The following GABRA2 variants were observed in gnomAD, a reference collection of about 807,000 sequenced individuals.
The protein encoded by GABRA2 is gamma-aminobutyric acid receptor subunit alpha-2.
Under a neutral mutation model 48.7 loss-of-function variants are expected in GABRA2, and 16 were observed. That is an observed-to-expected ratio of 0.33 (90% CI 0.22 to 0.50). The LOEUF (loss-of-function observed/expected upper bound fraction) is 0.50. GABRA2 is among the 20% of genes least tolerant of loss of function. The probability of loss-of-function intolerance (pLI) is 0.98; values close to 1 mark genes in which losing one functional copy is unlikely to be tolerated. For missense variants in GABRA2, 275 were observed against 535.6 expected, an observed-to-expected ratio of 0.51 and a Z score of 4.80; for synonymous variants, 185 against 184.5, an observed-to-expected ratio of 1.00 and a Z score of -0.02.
rs1195305005 is a variant in GABRA2, at chr4:46,389,990, CGGAGGAGGAGGAAGA to C, written c.-281_-267del. On this transcript the variant is annotated 5_prime_UTR_variant, in exon 1 of 10. Transcript: ENST00000381620. Reference sequence around the variant, plus strand: ...AGGCGTTCGTAGTGGCGGTGATGGGCGGAGGAGGAGGAAGAGGAGGAGGAGGAAGAGGAGGAGGGG... The same window carrying C: ...AGGCGTTCGTAGTGGCGGTGATGGGCGGAGGAGGAGGAAGAGGAGGAGGGG... 2.0e-3 allele frequency: 1,942 copies of C among 967,504 alleles called. 7 individuals carry two copies. Among genetic ancestry groups the C allele is most frequent in the African/African-American group, 6.3e-3 (319 of 50,912 alleles). 59.9% of individuals were successfully genotyped at this position (967,504 alleles called of 1,614,324 possible).
intron 8 of GABRA2, among the ~76,000 whole-genome samples, chr4:46,277,771 G>A (rs1176414511): frequency 6.6e-6 from 1 of 152,150 alleles, no homozygotes; most frequent in African/African-American, 2.4e-5. Context: ...GTGTGGAAAG[G>A]GCTGCAGCAA....
At chr4:46,346,590 T>G (rs922880541) in intron 3 of GABRA2, among the ~76,000 whole-genome samples, 5 of 148,670 alleles carry the variant, frequency 3.4e-5, no homozygotes, top group Non-Finnish European at 7.4e-5. Context: ...ATGTATTATA[T>G]TTATTATTTT....
intron 3 of GABRA2, among the ~76,000 whole-genome samples, chr4:46,359,743 C>T (rs1478082570): frequency 1.3e-5 from 2 of 152,028 alleles, no homozygotes; most frequent in Non-Finnish European, 2.9e-5. Flanking sequence ...CGGTGAAACC[C>T]TGTCTCTACT....
At chr4:46,262,150 T>C in intron 8 of GABRA2, 22 bp from the exon 9 acceptor site, 4 of 1,600,710 alleles carry the variant, frequency 2.5e-6, no homozygotes, top group Non-Finnish European at 3.4e-6. Flanking sequence ...AAGATAGGAA[T>C]CGAAAACATC....
At chr4:46,251,705 T>C (rs1367362827) in intron 9 of GABRA2, among the ~76,000 whole-genome samples, 1 of 151,454 alleles carries the variant, frequency 6.6e-6, no homozygotes, top group African/African-American at 2.4e-5. Flanking sequence ...TCTAATTTGT[T>C]TCCATTACGA....
intron 3 of GABRA2, among the ~76,000 whole-genome samples, chr4:46,377,189 G>A (rs1164488380): frequency 1.3e-5 from 2 of 151,858 alleles, no homozygotes; most frequent in Non-Finnish European, 2.9e-5. Flanking sequence ...TCTCTGCCCG[G>A]CCGCCCATCG....
intron 3 of GABRA2, among the ~76,000 whole-genome samples, chr4:46,335,907 G>A (rs1319411315): frequency 6.6e-6 from 1 of 152,080 alleles, no homozygotes; most frequent in Non-Finnish European, 1.5e-5. Context: ...TTCAGAGCAG[G>A]AGTTCACAAA....
intron 5 of GABRA2, among the ~76,000 whole-genome samples, chr4:46,310,929 C>T (rs1727541928): frequency 6.6e-6 from 1 of 151,988 alleles, no homozygotes; most frequent in African/African-American, 2.4e-5. Flanking sequence ...CCAATTATTC[C>T]ATTTCATGTA....
chr4:46,383,836 AG>A (rs1387889663), intron 3 of GABRA2, among the ~76,000 whole-genome samples: 1 of 152,308 alleles, frequency 6.6e-6, no homozygotes, highest in South Asian at 2.1e-4. Flanking sequence ...CCAAAGGAAT[AG>A]ATGAGAATGA....
At chr4:46,282,472 T>G (rs1159292522) in intron 8 of GABRA2, among the ~76,000 whole-genome samples, 1 of 152,180 alleles carries the variant, frequency 6.6e-6, no homozygotes, top group African/African-American at 2.4e-5. Context: ...TACATGGATT[T>G]TATTCCACTA....
chr4:46,355,263 T>C (rs184015429), intron 3 of GABRA2, among the ~76,000 whole-genome samples: 86 of 152,262 alleles, frequency 5.6e-4, no homozygotes, highest in Non-Finnish European at 1.0e-3. Context: ...GGTATAAACA[T>C]AGAGGAATAT....
intron 9 of GABRA2, chr4:46,261,705 C>T: frequency 3.3e-6 from 2 of 605,414 alleles, no homozygotes; most frequent in Non-Finnish European, 5.8e-6. Flanking sequence ...GTGCCTGACA[C>T]ATACAGCTCA....
At chr4:46,326,577 T>C (rs1031831411) in intron 4 of GABRA2, among the ~76,000 whole-genome samples, 18 of 151,748 alleles carry the variant, frequency 1.2e-4, no homozygotes, top group African/African-American at 4.1e-4. Flanking sequence ...ATACCCACAT[T>C]TGCTCCTTCT....
At chr4:46,364,513 G>A (rs915598741) in intron 3 of GABRA2, 1 of 152,164 alleles carries the variant, frequency 6.6e-6, no homozygotes, top group Non-Finnish European at 1.5e-5. Context: ...TCAAGGTATG[G>A]GTGTGCTGTG....
chr4:46,318,528 T>C (rs1245160109), intron 4 of GABRA2, among the ~76,000 whole-genome samples: 1 of 151,602 alleles, frequency 6.6e-6, no homozygotes, highest in Non-Finnish European at 1.5e-5. Flanking sequence ...ATCTAAGTAT[T>C]TGAAAAGGAT....
intron 3 of GABRA2, 28 bp downstream of exon 3, chr4:46,386,046 A>G (rs201219341): frequency 7.3e-7 from 1 of 1,367,204 alleles, no homozygotes. Context: ...ATTTTACGAG[A>G]GTTTTAAAAG....
intron 8 of GABRA2, among the ~76,000 whole-genome samples, chr4:46,265,185 G>T (rs1021915111): frequency 6.7e-6 from 1 of 149,232 alleles, no homozygotes; most frequent in Admixed American, 6.7e-5. Flanking sequence ...ACAGGAGCAC[G>T]CTACCATGCC....
At chr4:46,312,772 C>T (rs1033486181) in intron 4 of GABRA2, 56 bp from the exon 5 acceptor site, 34 of 841,690 alleles carry the variant, frequency 4.0e-5, no homozygotes, top group African/African-American at 1.2e-4. Context: ...ACACAAGACA[C>T]GGTAAAATTC....
chr4:46,293,531 A>G (rs951116713), intron 8 of GABRA2, among the ~76,000 whole-genome samples: 2 of 152,146 alleles, frequency 1.3e-5, no homozygotes, highest in African/African-American at 2.4e-5. Context: ...GAATTAATGG[A>G]GTTTTAACTG....
Sources: allele counts gnomAD v4.1 joint callset (sites outside exome capture counted in the v4.1 genomes callset), GRCh38; gene constraint gnomAD v4.1.1; transcripts MANE v1.5; gene names NCBI Gene and HGNC (gene_info 2026-07-23, HGNC 2026-07-21).